SOX6: variants seen among roughly 807,000 people sequenced by gnomAD.
SOX6 encodes the protein SRY-box transcription factor 6.
In SOX6, 11 loss-of-function variants were observed where a neutral mutation model predicts 97.8. The ratio of observed to expected loss-of-function variants is 0.11; its 90% CI spans 0.07 to 0.19. The LOEUF (loss-of-function observed/expected upper bound fraction) is 0.19. Among genes scored for constraint, SOX6 ranks in the 10% least tolerant of loss-of-function variants. SOX6 has a pLI of 1.00. For missense variants in SOX6, 810 were observed against 1,039.5 expected, an observed-to-expected ratio of 0.78 and a Z score of 3.04; for synonymous variants, 360 against 371.4, an observed-to-expected ratio of 0.97 and a Z score of 0.35.
At chr11:16,031,952 G>C (rs897392136) in intron 12 of SOX6, among the ~76,000 whole-genome samples, 2 of 152,124 alleles carry the variant, frequency 1.3e-5, no homozygotes, top group East Asian at 3.9e-4. Context: ...AATTGAGACA[G>C]TGAAACAGAC....
chr11:16,032,170 A>T (rs60900176), intron 12 of SOX6, among the ~76,000 whole-genome samples: 7,654 of 152,218 alleles, frequency 0.05, 636 homozygotes, highest in African/African-American at 0.17. Flanking sequence ...AAGAGCAAAG[A>T]GTAAGACATG....
intron 10 of SOX6, among the ~76,000 whole-genome samples, chr11:16,054,057 G>T (rs1462540227): frequency 6.6e-6 from 1 of 152,116 alleles, no homozygotes; most frequent in African/African-American, 2.4e-5. Flanking sequence ...AGATCTCTAA[G>T]AATTTGCATG....
intron 2 of SOX6, among the ~76,000 whole-genome samples, chr11:16,325,857 T>A (rs1445692328): frequency 6.6e-6 from 1 of 152,118 alleles, no homozygotes. Flanking sequence ...CTTATAAAAG[T>A]GCTGAAGGCA....
At chr11:16,206,276 C>T (rs900942624) in intron 4 of SOX6, among the ~76,000 whole-genome samples, 2 of 152,040 alleles carry the variant, frequency 1.3e-5, no homozygotes, top group Admixed American at 1.3e-4. Flanking sequence ...TCACAAAATA[C>T]ATTTTTATCT....
At chr11:16,360,617 T>C (rs569198466), upstream of SOX6, among the ~76,000 whole-genome samples, 4 of 152,298 alleles carry the variant, frequency 2.6e-5, no homozygotes, top group East Asian at 7.7e-4. Flanking sequence ...TGTGTCATAA[T>C]ACATTGTATC....
intron 9 of SOX6, among the ~76,000 whole-genome samples, chr11:16,069,456 G>GT (rs1590174828): frequency 6.6e-6 from 1 of 151,992 alleles, no homozygotes; most frequent in East Asian, 1.9e-4. Flanking sequence ...TGAAAAAAAT[G>GT]TTTTTTTCTA....
intron 3 of SOX6, among the ~76,000 whole-genome samples, chr11:16,636,968 T>A (rs1222613082): frequency 6.6e-6 from 1 of 152,206 alleles, no homozygotes; most frequent in African/African-American, 2.4e-5. Context: ...GGTATGTCCC[T>A]ATAGCAGCCT....
intron 4 of SOX6, among the ~76,000 whole-genome samples, chr11:16,519,553 T>C (rs1293623185): frequency 6.6e-6 from 1 of 152,144 alleles, no homozygotes; most frequent in Non-Finnish European, 1.5e-5. Flanking sequence ...CTCAGTAGTA[T>C]TCTATGATAT....
chr11:16,633,488 T>G (rs1050861881), intron 3 of SOX6, among the ~76,000 whole-genome samples: 1 of 152,170 alleles, frequency 6.6e-6, no homozygotes, highest in Non-Finnish European at 1.5e-5. Context: ...AAAAAACAAC[T>G]ACCTGAGAGC....
At chr11:16,722,866 A>T (rs1337987975) in intron 2 of SOX6, among the ~76,000 whole-genome samples, 4 of 152,348 alleles carry the variant, frequency 2.6e-5, no homozygotes, top group Middle Eastern at 3.4e-3. Flanking sequence ...GAACACCCAC[A>T]TGCTGCTGGT....
intron 4 of SOX6, among the ~76,000 whole-genome samples, chr11:16,226,950 G>A (rs1852706605): frequency 6.6e-6 from 1 of 152,060 alleles, no homozygotes; most frequent in African/African-American, 2.4e-5. Context: ...AGTCTTTAAA[G>A]AATAACTACT....
chr11:16,038,427 G>A (rs1855572673), intron 12 of SOX6, among the ~76,000 whole-genome samples: 2 of 151,800 alleles, frequency 1.3e-5, no homozygotes, highest in South Asian at 4.2e-4. Flanking sequence ...AAGTAGGAAG[G>A]AAAGAAAAAA....
At chr11:16,587,837 C>A (rs1384783412) in intron 4 of SOX6, among the ~76,000 whole-genome samples, 1 of 152,152 alleles carries the variant, frequency 6.6e-6, no homozygotes, top group Non-Finnish European at 1.5e-5. Flanking sequence ...ACTCAAAAAA[C>A]CTGGCACTGG....
intron 3 of SOX6, among the ~76,000 whole-genome samples, chr11:16,307,193 A>G (rs1483308872): frequency 6.6e-6 from 1 of 152,190 alleles, no homozygotes; most frequent in Non-Finnish European, 1.5e-5. Context: ...GGCATAATAG[A>G]AATTGATATC....
intron 3 of SOX6, among the ~76,000 whole-genome samples, chr11:16,261,331 C>T (rs1249302910): frequency 6.6e-6 from 1 of 152,076 alleles, no homozygotes; most frequent in South Asian, 2.1e-4. Context: ...ATCCTTAGAA[C>T]AATCAAATAA....
At chr11:16,174,575 A>G (rs1180097819) in intron 6 of SOX6, among the ~76,000 whole-genome samples, 1 of 151,926 alleles carries the variant, frequency 6.6e-6, no homozygotes, top group African/African-American at 2.4e-5. Flanking sequence ...TCCCTGTGCT[A>G]TATCAAGTGT....
intron 1 of SOX6, among the ~76,000 whole-genome samples, chr11:16,453,934 G>C (rs923328478): frequency 2.0e-5 from 3 of 152,130 alleles, no homozygotes; most frequent in Admixed American, 6.5e-5. Context: ...AAAGAATTTA[G>C]ATTAATGAGC....
chr11:16,472,042 T>C (rs905199392), intron 1 of SOX6, among the ~76,000 whole-genome samples: 1 of 152,198 alleles, frequency 6.6e-6, no homozygotes. Flanking sequence ...AATTTTAGCC[T>C]TTCCCTTTGT....
intron 1 of SOX6, among the ~76,000 whole-genome samples, chr11:16,393,751 G>T (rs1363029008): frequency 6.6e-6 from 1 of 151,996 alleles, no homozygotes; most frequent in Admixed American, 6.6e-5. Context: ...CTAATTACAT[G>T]CCTTTAACCA....
Sources: gnomAD v4.1 joint callset for allele counts (sites outside exome capture counted in the v4.1 genomes callset) on GRCh38, gnomAD v4.1.1 for gene constraint, MANE v1.5 for transcripts, NCBI Gene and HGNC (gene_info 2026-07-23, HGNC 2026-07-21) for gene names.